The following PACRG variants were observed in gnomAD, a reference collection of about 807,000 sequenced individuals.
PACRG encodes parkin coregulated.
In PACRG, 29 loss-of-function variants were observed where a neutral mutation model predicts 29.7. The ratio of observed to expected loss-of-function variants is 0.98; its 90% confidence interval spans 0.73 to 1.33. The LOEUF (loss-of-function observed/expected upper bound fraction) is 1.33, where lower values mean the gene tolerates loss of function less well. PACRG is among the 40% of genes most tolerant of loss of function. The pLI is 0.00. For synonymous variants in PACRG, 116 were observed against 118.7 expected, an observed-to-expected ratio of 0.98 and a Z score of 0.15; for missense variants, 279 against 316.2, an observed-to-expected ratio of 0.88 and a Z score of 0.89.
At chr6:163,163,885 C>A (rs1778677152) in intron 4 of PACRG, among the ~76,000 whole-genome samples, 2 of 151,590 alleles carry the variant, frequency 1.3e-5, no homozygotes, top group Non-Finnish European at 2.9e-5. Flanking sequence ...AATTTGTAGG[C>A]CTGAATTATT....
intron 1 of PACRG, among the ~76,000 whole-genome samples, chr6:162,767,324 C>T (rs961048142): frequency 6.6e-6 from 1 of 151,764 alleles, no homozygotes; most frequent in African/African-American, 2.4e-5. Context: ...ATTTTTATTT[C>T]TATATTTACA....
intron 4 of PACRG, among the ~76,000 whole-genome samples, chr6:163,312,460 G>A (rs1273998539): frequency 2.0e-5 from 3 of 151,862 alleles, no homozygotes; most frequent in Non-Finnish European, 4.4e-5. Flanking sequence ...CTCCCAACAC[G>A]AGCTTCCTCC....
At chr6:162,734,960 T>C (rs1780051614) in intron 1 of PACRG, among the ~76,000 whole-genome samples, 1 of 152,240 alleles carries the variant, frequency 6.6e-6, no homozygotes, top group Admixed American at 6.5e-5. Context: ...TCACCTGTTT[T>C]TGTACTTCTA....
chr6:162,834,249 CTG>C (rs67195736), intron 2 of PACRG, among the ~76,000 whole-genome samples: 16,059 of 152,030 alleles, frequency 0.11, 954 homozygotes, highest in Middle Eastern at 0.17. Flanking sequence ...AGTAAGAAAA[CTG>C]TACCTGTACT....
chr6:163,003,009 C>G (rs1804722874), intron 2 of PACRG, among the ~76,000 whole-genome samples: 1 of 152,176 alleles, frequency 6.6e-6, no homozygotes, highest in Admixed American at 6.5e-5. Context: ...ACACTAGACC[C>G]ATATTCTTAT....
At chr6:162,764,706 A>G (rs1227476824) in intron 1 of PACRG, among the ~76,000 whole-genome samples, 2 of 152,034 alleles carry the variant, frequency 1.3e-5, no homozygotes, top group Non-Finnish European at 2.9e-5. Context: ...TGTTTAATAT[A>G]CAAGTAAGAA....
intron 2 of PACRG, among the ~76,000 whole-genome samples, chr6:162,815,174 A>C (rs1336481397): frequency 6.6e-6 from 1 of 152,152 alleles, no homozygotes; most frequent in Non-Finnish European, 1.5e-5. Context: ...AAGGACAAGA[A>C]AAGGTTTTGG....
chr6:162,911,179 A>G (rs1165372174), intron 2 of PACRG, among the ~76,000 whole-genome samples: 2 of 152,236 alleles, frequency 1.3e-5, no homozygotes, highest in Admixed American at 6.5e-5. Flanking sequence ...GCTTCATTTT[A>G]CATTCATTTA....
At chr6:162,869,453 A>G (rs1792608033) in intron 2 of PACRG, among the ~76,000 whole-genome samples, 1 of 152,196 alleles carries the variant, frequency 6.6e-6, no homozygotes, top group African/African-American at 2.4e-5. Flanking sequence ...TTACCTTTCC[A>G]TTCAGACTAT....
chr6:163,248,841 C>A (rs749658409), intron 4 of PACRG, among the ~76,000 whole-genome samples: 3 of 151,926 alleles, frequency 2.0e-5, no homozygotes, highest in Non-Finnish European at 2.9e-5. Flanking sequence ...GGTGAAACCC[C>A]GTTTCTACTA....
At chr6:163,136,697 G>A (rs1367291928) in intron 4 of PACRG, among the ~76,000 whole-genome samples, 1 of 152,170 alleles carries the variant, frequency 6.6e-6, no homozygotes, top group Admixed American at 6.5e-5. Flanking sequence ...AACGGAAACT[G>A]TTGTACTACA....
chr6:162,919,460 G>A (rs1296633799), intron 2 of PACRG, among the ~76,000 whole-genome samples: 2 of 152,152 alleles, frequency 1.3e-5, no homozygotes, highest in Admixed American at 6.5e-5. Flanking sequence ...CCAGAAAAAC[G>A]TTTCTCGTAG....
chr6:162,827,612 AG>A (rs1788394929), intron 2 of PACRG, among the ~76,000 whole-genome samples: 1 of 152,200 alleles, frequency 6.6e-6, no homozygotes, highest in Non-Finnish European at 1.5e-5. Flanking sequence ...ATTACTGTAA[AG>A]CATCATTATT....
At chr6:162,730,339 CT>C (rs1359521815) in intron 1 of PACRG, among the ~76,000 whole-genome samples, 2 of 152,118 alleles carry the variant, frequency 1.3e-5, no homozygotes, top group Non-Finnish European at 2.9e-5. Flanking sequence ...GTCCTCATCT[CT>C]TTCTGAAGGT....
At chr6:163,302,432 G>T (rs1785041310) in intron 4 of PACRG, among the ~76,000 whole-genome samples, 1 of 152,150 alleles carries the variant, frequency 6.6e-6, no homozygotes, top group Non-Finnish European at 1.5e-5. Flanking sequence ...GCTGATAAAG[G>T]CTGATAGCCA....
intron 1 of PACRG, among the ~76,000 whole-genome samples, chr6:162,770,963 A>G (rs1450469796): frequency 6.6e-6 from 1 of 152,068 alleles, no homozygotes; most frequent in Admixed American, 6.5e-5. Context: ...GATTTTTTTT[A>G]GTTCTAGGGG....
chr6:163,148,453 C>T (rs1777894171), intron 4 of PACRG, among the ~76,000 whole-genome samples: 1 of 152,162 alleles, frequency 6.6e-6, no homozygotes, highest in Admixed American at 6.5e-5. Flanking sequence ...CGGGCAGGTT[C>T]GCATCTCACA....
chr6:162,997,180 A>G (rs1804144063), intron 2 of PACRG, among the ~76,000 whole-genome samples: 1 of 152,204 alleles, frequency 6.6e-6, no homozygotes, highest in Non-Finnish European at 1.5e-5. Flanking sequence ...TTCAGAAAAT[A>G]TGTCATGCTC....
chr6:163,186,996 C>T (rs1175026177), intron 4 of PACRG, among the ~76,000 whole-genome samples: 2 of 152,250 alleles, frequency 1.3e-5, no homozygotes, highest in Non-Finnish European at 2.9e-5. Context: ...GGCTCTGTCT[C>T]CTCTCCAGGC....
Sources: gnomAD v4.1 joint callset for allele counts (sites outside exome capture counted in the v4.1 genomes callset) on GRCh38, gnomAD v4.1.1 for gene constraint, MANE v1.5 for transcripts, NCBI Gene and HGNC (gene_info 2026-07-23, HGNC 2026-07-21) for gene names.